WASF1: variants seen among roughly 807,000 people sequenced by gnomAD.
The protein encoded by WASF1 is WASP family member 1.
WASF1 carries 7 observed loss-of-function variants against 50.5 expected under a neutral mutation model. The ratio of observed to expected loss-of-function variants is 0.14; its 90% confidence interval spans 0.08 to 0.26. WASF1 has a LOEUF of 0.26. Ranked by LOEUF, WASF1 falls within the 10% of genes least tolerant of loss-of-function variation. The pLI is 1.00. For missense variants in WASF1, 470 were observed against 694.7 expected (o/e 0.68, Z 3.64); for synonymous variants, 205 against 244.0 (o/e 0.84, Z 1.49).
intron 4 of WASF1, among the ~76,000 whole-genome samples, chr6:110,116,432 TA>T (rs1358594561): frequency 1.3e-5 from 2 of 152,088 alleles, no homozygotes; most frequent in Non-Finnish European, 2.9e-5. Context: ...TGATCACTGC[TA>T]GTGCGGCAGT....
chr6:110,129,970 G>A (rs1015993390), intron 3 of WASF1, among the ~76,000 whole-genome samples: 1 of 152,144 alleles, frequency 6.6e-6, no homozygotes, highest in African/African-American at 2.4e-5. Context: ...CTGCACTACT[G>A]CAAAGTGGGA....
intron 5 of WASF1, among the ~76,000 whole-genome samples, chr6:110,112,582 A>G (rs1773606743): frequency 6.6e-6 from 1 of 152,184 alleles, no homozygotes; most frequent in Admixed American, 6.5e-5. Flanking sequence ...AGACTTTAGC[A>G]ATATGCACAT....
At chr6:110,132,350 C>T (rs1774716962) in intron 3 of WASF1, among the ~76,000 whole-genome samples, 1 of 151,652 alleles carries the variant, frequency 6.6e-6, no homozygotes, top group African/African-American at 2.4e-5. Context: ...CCTTACCACA[C>T]TAGCTATAAT....
At chr6:110,118,453 C>T (rs1392242728) in intron 4 of WASF1, among the ~76,000 whole-genome samples, 2 of 146,666 alleles carry the variant, frequency 1.4e-5, no homozygotes, top group African/African-American at 5.0e-5. Context: ...AAGGCAGCTA[C>T]TACATAATGG....
At chr6:110,122,270 T>G (rs1240916726) in intron 4 of WASF1, among the ~76,000 whole-genome samples, 6 of 147,890 alleles carry the variant, frequency 4.1e-5, no homozygotes, top group Admixed American at 4.0e-4. Context: ...ATAGAAGAAG[T>G]GGTGTCAGAA....
At chr6:110,130,452 A>G (rs1774612848) in intron 3 of WASF1, among the ~76,000 whole-genome samples, 1 of 152,138 alleles carries the variant, frequency 6.6e-6, no homozygotes, top group Admixed American at 6.5e-5. Context: ...TAGTTTTGAT[A>G]GCTTTTTGAA....
At chr6:110,173,148 C>T (rs1256284951) in intron 2 of WASF1, among the ~76,000 whole-genome samples, 1 of 152,056 alleles carries the variant, frequency 6.6e-6, no homozygotes, top group Non-Finnish European at 1.5e-5. Flanking sequence ...ACACACTTGA[C>T]TTTTTTGGTA....
At chr6:110,174,435 C>T (rs1188230648) in intron 2 of WASF1, among the ~76,000 whole-genome samples, 2 of 152,124 alleles carry the variant, frequency 1.3e-5, no homozygotes, top group Non-Finnish European at 2.9e-5. Flanking sequence ...ACAAGGGGGA[C>T]CCACTAAATG....
At chr6:110,161,672 C>T (rs913097660) in intron 2 of WASF1, among the ~76,000 whole-genome samples, 2 of 151,478 alleles carry the variant, frequency 1.3e-5, no homozygotes, top group Non-Finnish European at 3.0e-5. Flanking sequence ...CCATTCCTTG[C>T]CATTCAGCAA....
intron 7 of WASF1, 36 bp from the exon 8 acceptor site, chr6:110,105,615 A>C (rs1773286818): frequency 6.3e-7 from 1 of 1,594,922 alleles, no homozygotes; most frequent in Non-Finnish European, 8.5e-7. Context: ...TCAAATGCTT[A>C]AGCGCTAATT....
intron 3 of WASF1, among the ~76,000 whole-genome samples, chr6:110,138,771 A>C (rs1313647898): frequency 1.3e-5 from 2 of 152,204 alleles, no homozygotes; most frequent in African/African-American, 4.8e-5. Flanking sequence ...GAAGGGAGGA[A>C]GAGCATGCTG....
In WASF1 at chr6:110,113,144, A is replaced by G. The variant is rs905639157; in HGVS notation, c.268+182T>C. ...AGAGATTTAAAACAGAGTAGAAAAGAAAAGCCCGGAGAATCATACTGATGG... is the reference window on the plus strand; with the variant it reads ...AGAGATTTAAAACAGAGTAGAAAAGGAAAGCCCGGAGAATCATACTGATGG... On this transcript the variant is annotated intron_variant, in intron 5 of 10. Transcript: ENST00000392589. Among the ~76,000 whole-genome samples, 17 of 152,158 alleles carry G rather than the reference A, an allele frequency of 1.1e-4. 1 individual carries two copies.
rs942921398 is a variant in WASF1, at chr6:110,127,381, T to G, written c.133+88A>C. On this transcript the variant is annotated intron_variant, in intron 4 of 10. Transcript: ENST00000392589. ...TTGTACTCTTCTCACCAAATCATACTCCCAAATTAATCAGAAGCACAACTT... is the reference window on the plus strand; with the variant it reads ...TTGTACTCTTCTCACCAAATCATACGCCCAAATTAATCAGAAGCACAACTT... The G allele has an allele frequency of 8.4e-6, 10 of 1,194,264 alleles. No homozygotes were observed. The Admixed American group carries it at 1.4e-4, about 16-fold the overall frequency. 74.0% of individuals were successfully genotyped at this position (1,194,264 alleles called of 1,614,324 possible).
At chr6:110,106,876 A>T (rs1424239056) in intron 7 of WASF1, among the ~76,000 whole-genome samples, 2 of 152,186 alleles carry the variant, frequency 1.3e-5, no homozygotes, top group African/African-American at 4.8e-5. Flanking sequence ...GGCACTTATT[A>T]TGCCCTACTC....
chr6:110,102,538 T>TAGA, intron 9 of WASF1, among the ~76,000 whole-genome samples: 1 of 152,222 alleles, frequency 6.6e-6, no homozygotes, highest in Admixed American at 6.5e-5. Context: ...CAGGAGTCTC[T>TAGA]ATAATGACTC....
At chr6:110,126,500 A>T (rs1774424094) in intron 4 of WASF1, among the ~76,000 whole-genome samples, 1 of 152,236 alleles carries the variant, frequency 6.6e-6, no homozygotes, top group African/African-American at 2.4e-5. Flanking sequence ...GAAACAAATT[A>T]GATTAACAAC....
chr6:110,116,586 T>C (rs1018126317), intron 4 of WASF1, among the ~76,000 whole-genome samples: 3 of 152,160 alleles, frequency 2.0e-5, no homozygotes, highest in African/African-American at 7.2e-5. Flanking sequence ...ATTCCACCTC[T>C]TGGGGAAGGA....
chr6:110,103,501 A>C lies in WASF1; in HGVS notation c.770T>G (p.Phe257Cys). 1 of 1,614,000 alleles carries C rather than the reference A, an allele frequency of 6.2e-7. No homozygotes were observed. Among genetic ancestry groups the C allele is most frequent in the Non-Finnish European group, 8.5e-7 (1 of 1,179,902 alleles). The change falls in exon 9 of 11, where the codon TTT (phenylalanine) becomes TGT (cysteine). Residue 257 changes from phenylalanine to cysteine, a missense_variant. Phe to Cys is a radical substitution (Grantham distance 205, BLOSUM62 -2). Coordinates refer to ENST00000392589, the MANE Select transcript of WASF1 (RefSeq NM_003931.3). ...DGSYSLSALP[F>C]SQMSELLTRA... ...AGTCAGAAGCTCACTCATCTGACTA[A>C]ATGGCAAGGCAGAAAGTGAGTAAGA...
At chr6:110,103,900 T>C (rs1209715751) in intron 8 of WASF1, among the ~76,000 whole-genome samples, 1 of 152,186 alleles carries the variant, frequency 6.6e-6, no homozygotes, top group Admixed American at 6.5e-5. Context: ...TGGAAAGCTA[T>C]CTGCCTCTAT....
Sources: allele counts gnomAD v4.1 joint callset (sites outside exome capture counted in the v4.1 genomes callset), GRCh38; gene constraint gnomAD v4.1.1; transcripts MANE v1.5; gene names NCBI Gene and HGNC (gene_info 2026-07-23, HGNC 2026-07-21).